The following PLXNB2 variants were observed in gnomAD, a reference collection of about 807,000 sequenced individuals.
PLXNB2 encodes plexin-B2.
In PLXNB2, 85 loss-of-function variants were observed where a neutral mutation model predicts 202.6. That is an observed-to-expected ratio of 0.42 (90% CI 0.35 to 0.50). The LOEUF is 0.50. PLXNB2 is among the 20% of genes least tolerant of loss of function. PLXNB2 has a pLI of 0.02. For synonymous variants in PLXNB2, 1,239 were observed against 1,137.6 expected (o/e 1.09, Z -1.79); for missense variants, 2,063 against 2,586.2 (o/e 0.80, Z 4.39).
At chr22:50,292,265 G>A (rs2066923357) in intron 2 of PLXNB2, among the ~76,000 whole-genome samples, 1 of 150,940 alleles carries the variant, frequency 6.6e-6, no homozygotes, top group African/African-American at 2.5e-5. Flanking sequence ...GTGAACCTGG[G>A]AGGCGGAGGT....
chr22:50,276,170 C>G (rs572663756), intron 35 of PLXNB2, among the ~76,000 whole-genome samples: 3 of 151,956 alleles, frequency 2.0e-5, no homozygotes, highest in African/African-American at 7.2e-5. Flanking sequence ...ATCTCAGTGT[C>G]TCCCTGTGTG....
At chr22:50,276,032 C>T (rs143473905) in intron 35 of PLXNB2, 69 bp from the exon 36 acceptor site, 39 of 1,472,358 alleles carry the variant, frequency 2.6e-5, no homozygotes, top group South Asian at 9.1e-5. Flanking sequence ...AGGAGTAGTA[C>T]GGGACGCCCA....
At chr22:50,276,293 G>A (rs2065567247) in intron 35 of PLXNB2, among the ~76,000 whole-genome samples, 1 of 149,546 alleles carries the variant, frequency 6.7e-6, no homozygotes, top group African/African-American at 2.5e-5. Context: ...CAGGGAGGGG[G>A]CGCTGTGGAC....
At chr22:50,296,000 GC>G (rs1281619207) in intron 1 of PLXNB2, among the ~76,000 whole-genome samples, 4 of 152,090 alleles carry the variant, frequency 2.6e-5, no homozygotes, top group African/African-American at 9.7e-5. Context: ...TACTCAGGAG[GC>G]CGAGGCAAGA....
chr22:50,283,420 C>T lies in PLXNB2; in HGVS notation c.2596G>A (p.Glu866Lys). The T allele has an allele frequency of 6.2e-7, 1 of 1,613,228 alleles. No homozygotes were observed. Residue 866 changes from glutamate to lysine, a missense_variant, in exon 16 of 37, where the codon GAG becomes AAG. Coordinates refer to ENST00000359337, the MANE Select transcript of PLXNB2 (RefSeq NM_012401.4). ...TCGACACCCCCCGTGAAAGGCGTCT[C>T]CGCAGCCTCGATCACACACACGATC... ...TRIVCVIEAA[E>K]TPFTGGVEVD... is the part of the protein sequence containing the mutation.
chr22:50,281,805 A>G (rs1029264902), intron 20 of PLXNB2, 49 bp downstream of exon 20: 1 of 1,581,718 alleles, frequency 6.3e-7, no homozygotes, highest in Admixed American at 1.7e-5. Context: ...ACCAGCTCTC[A>G]GCCCAGACCC....
rs1185508092 is a variant in PLXNB2 at position 50,298,547 on chromosome 22, G to C, written c.-73-3769C>G. ...CCAAACTCCTGCCAGCCTTGGTTCT[G>C]AGACCGCCCCAAGTCTTGGCTGCAC... On this transcript the variant is annotated intron_variant, in intron 1 of 36. Coordinates refer to ENST00000359337, the MANE Select transcript of PLXNB2 (RefSeq NM_012401.4). 2.0e-5 allele frequency among the ~76,000 whole-genome samples: 3 copies of C among 152,244 alleles called. No individual in the cohort carries two copies. In the South Asian group the frequency reaches 6.2e-4, roughly 32 times the overall value.
At chr22:50,277,823 C>T (rs2065713448) in intron 32 of PLXNB2, 30 bp downstream of exon 32, 4 of 1,607,212 alleles carry the variant, frequency 2.5e-6, no homozygotes, top group Non-Finnish European at 3.4e-6. Context: ...GGAGCCGGGG[C>T]TGGGCCGCGG....
chr22:50,285,844 C>G lies in PLXNB2; in HGVS notation c.2044G>C (p.Glu682Gln). The change falls in exon 11 of 37, where the codon GAG becomes CAG. Residue 682 changes from glutamate (E) to glutamine (Q), a missense_variant. Physicochemically the swap from Glu to Gln is conservative, Grantham distance 29 (BLOSUM62 2). Transcript: ENST00000359337. ...PSPLVIPMNH[E>Q]TDVNFQGKNL... ...TTGCCCTGGAAGTTCACATCTGTCTCGTGGTTCATGGGGATCACCAGGGGG... is the reference window on the plus strand; with the variant it reads ...TTGCCCTGGAAGTTCACATCTGTCTGGTGGTTCATGGGGATCACCAGGGGG... The G allele has an allele frequency of 1.2e-6, 2 of 1,613,036 alleles. No homozygotes were observed. Among genetic ancestry groups the G allele is most frequent in the South Asian group, 2.2e-5 (2 of 91,070 alleles).
At chr22:50,277,352 T>G (rs1371318243) in intron 33 of PLXNB2, among the ~76,000 whole-genome samples, 2 of 151,938 alleles carry the variant, frequency 1.3e-5, no homozygotes, top group Non-Finnish European at 2.9e-5. Flanking sequence ...AAAACTCAGT[T>G]TCTCTGCTCG....
At position 50,291,567 on chromosome 22, in the gene PLXNB2, G is replaced by T. The variant is rs2147555618; in HGVS notation, c.-13-970C>A. 6.6e-6 allele frequency among the ~76,000 whole-genome samples: 1 copy of T among 152,186 alleles called. No homozygotes were observed. Among genetic ancestry groups the T allele is most frequent in the East Asian group, 1.9e-4 (1 of 5,172 alleles). ...GGCCCCACAGGTGGACCCAGGACAT[G>T]CGTGGTCCTCTCTCTTTCCCTCCCT... On this transcript the variant is annotated intron_variant, in intron 2 of 36. Coordinates refer to ENST00000359337, the MANE Select transcript of PLXNB2 (RefSeq NM_012401.4). The surrounding 1 kb of genome is among the most constrained non-coding windows in gnomAD (Gnocchi z 4.3).
chr22:50,283,611 A>T lies in PLXNB2; in HGVS notation c.2561T>A (p.Val854Glu). 6.2e-7 allele frequency: 1 copy of T among 1,612,054 alleles called. No individual in the cohort carries two copies. Among genetic ancestry groups the T allele is most frequent in the Non-Finnish European group, 8.5e-7 (1 of 1,179,680 alleles). Reference sequence around the variant, plus strand: ...AGGGCCGTCCACTCACCGGGTGGACACGGAGTAACGTTCCGGCTGAAAGGA... The same window carrying T: ...AGGGCCGTCCACTCACCGGGTGGACTCGGAGTAACGTTCCGGCTGAAAGGA... ...NCSFQPERYS[V>E]STRIVCVIEA... Residue 854 changes from valine to glutamate, a missense_variant, in exon 15 of 37, where the codon GTG becomes GAG. Val to Glu is a moderately radical substitution (Grantham distance 121, BLOSUM62 -2). Transcript: ENST00000359337.
Position 50,294,776 on chromosome 22 carries a change from T to A in PLXNB2, c.-71A>T. On this transcript the variant is annotated splice_region_variant and 5_prime_UTR_variant, in exon 2 of 37. Transcript: ENST00000359337. ...TTCTGCTCCAGGCCAGCATCGAGAT[T>A]CTCTAGGAGGCAAAGGAGAGACGCC... The A allele has an allele frequency of 1.0e-6, 1 of 985,398 alleles. No individual in the cohort carries two copies. Among genetic ancestry groups the A allele is most frequent in the Non-Finnish European group, 1.2e-6 (1 of 829,936 alleles). 61.0% of individuals were successfully genotyped at this position (985,398 alleles called of 1,614,324 possible). A position where few individuals can be genotyped will look rare whatever the true frequency, so the allele number is the denominator to read the frequency against.
At chr22:50,277,213 A>T (rs1438712634) in intron 33 of PLXNB2, among the ~76,000 whole-genome samples, 3 of 151,828 alleles carry the variant, frequency 2.0e-5, no homozygotes, top group Non-Finnish European at 4.4e-5. Flanking sequence ...CGGCGGGAAA[A>T]TCGCTTGAAC....
chr22:50,305,698 G>T (rs1181704857), intron 1 of PLXNB2, among the ~76,000 whole-genome samples: 3 of 152,188 alleles, frequency 2.0e-5, no homozygotes, highest in Non-Finnish European at 4.4e-5. Context: ...GCTCCTCCCT[G>T]GCACGCACAG....
At position 50,283,077 on chromosome 22, in the gene PLXNB2, AC is replaced by A; in HGVS notation, c.2788del (p.Val930Ter). On this transcript the variant is annotated frameshift_variant, in exon 17 of 37. Coordinates refer to ENST00000359337, the MANE Select transcript of PLXNB2 (RefSeq NM_012401.4). LOFTEE classifies it high-confidence loss of function. ...TTTACACGGGACGCCGTTGAGGGTC[AC>A]CCGCACGTCCTCCTGGGAGCCCGTG... ...LDTGSQEDVR[V>X]TLNGVPCKVT... is the part of the protein sequence containing the mutation. 6.2e-7 allele frequency: 1 copy of A among 1,609,460 alleles called. No homozygotes were observed. The highest frequency in any genetic ancestry group is 8.5e-7 in the Non-Finnish European group (1 of 1,178,672).
intron 25 of PLXNB2, 24 bp downstream of exon 25, chr22:50,280,465 G>T: frequency 6.3e-7 from 1 of 1,577,886 alleles, no homozygotes. Flanking sequence ...CCGTGGCCCC[G>T]CTCGTGGCCC....
chr22:50,290,595 A>C lies in PLXNB2; in HGVS notation c.-11T>G, dbSNP rs772694402. ...GAGCTGCAGTGCCATTGCCCCCCGC[A>C]CCCTGTGGGAAGAGAGAAGGGTCAG... On this transcript the variant is annotated splice_region_variant and 5_prime_UTR_variant, in exon 3 of 37. Coordinates refer to ENST00000359337, the MANE Select transcript of PLXNB2 (RefSeq NM_012401.4). 4 of 1,588,452 alleles carry C rather than the reference A, an allele frequency of 2.5e-6. No individual in the cohort carries two copies. Among genetic ancestry groups the C allele is most frequent in the Middle Eastern group, 2.1e-4 (1 of 4,776 alleles).
rs868684848 is a variant in PLXNB2, at chr22:50,297,190, G to A, written c.-73-2412C>T. On this transcript the variant is annotated intron_variant, in intron 1 of 36. Transcript: ENST00000359337. The surrounding 1 kb of genome is among the most constrained non-coding windows in gnomAD (Gnocchi z 5.3). ...GCGGTGGCACGGTACCCCCAGACCT[G>A]CCATCTTGAAGGGACGCCACACCGG... Among the ~76,000 whole-genome samples, 11 of 152,242 alleles carry A rather than the reference G, an allele frequency of 7.2e-5. No homozygotes were observed. The highest frequency in any genetic ancestry group is 3.4e-3 in the Middle Eastern group (1 of 294).
Sources: allele counts gnomAD v4.1 joint callset (sites outside exome capture counted in the v4.1 genomes callset), GRCh38; gene constraint gnomAD v4.1.1; non-coding constraint Gnocchi (gnomAD v3.1); transcripts MANE v1.5; gene names NCBI Gene and HGNC (gene_info 2026-07-23, HGNC 2026-07-21).